C6: variants seen among roughly 807,000 people sequenced by gnomAD.
C6 encodes complement C6.
A neutral mutation model predicts 112.9 loss-of-function variants in C6; 101 were observed. The observed-to-expected ratio is 0.89, with a 90% CI of 0.76 to 1.06. C6 has a LOEUF of 1.06. C6 is among the 50% of genes least tolerant of loss of function. C6 has a pLI of 0.00. For synonymous variants in C6, 431 were observed against 384.1 expected, an observed-to-expected ratio of 1.12 and a Z score of -1.43; for missense variants, 1,202 against 1,104.6, an observed-to-expected ratio of 1.09 and a Z score of -1.25.
chr5:41,185,931 A>C lies in C6; in HGVS notation c.726+139T>G, dbSNP rs755848346. Reference sequence around the variant, plus strand: ...GGCCTCATTGTGTGTGCATGGATAAAATACAAACACATAACACGTGATTAA... The same window carrying C: ...GGCCTCATTGTGTGTGCATGGATAACATACAAACACATAACACGTGATTAA... On this transcript the variant is annotated intron_variant, in intron 6 of 17. Transcript: ENST00000337836. 3.6e-4 allele frequency: 380 copies of C among 1,066,138 alleles called. 1 individual carries two copies. Among genetic ancestry groups the C allele is most frequent in the Non-Finnish European group, 5.0e-4 (354 of 706,134 alleles). 66.0% of individuals were successfully genotyped at this position (1,066,138 alleles called of 1,614,324 possible).
At chr5:41,157,410 G>A (rs187081283) in intron 13 of C6, among the ~76,000 whole-genome samples, 53 of 152,292 alleles carry the variant, frequency 3.5e-4, no homozygotes, top group African/African-American at 1.3e-3. Context: ...TCTAGGGCAG[G>A]GGCCAGTAAG....
rs1745426660 is a variant in C6, at chr5:41,142,316, T to A, written c.*509A>T. The A allele has an allele frequency of 6.3e-6, 1 of 159,442 alleles. No individual in the cohort carries two copies. The highest frequency in any genetic ancestry group is 1.4e-5 in the Non-Finnish European group (1 of 71,578). 9.9% of individuals were successfully genotyped at this position (159,442 alleles called of 1,614,324 possible). A position where few individuals can be genotyped will look rare whatever the true frequency, so the allele number is the denominator to read the frequency against. ...TGCTTCATGAAGGCAAAGGCTTTTGTCTGTTTTATTATCTGCCGAGTTCTC... is the reference window on the plus strand; with the variant it reads ...TGCTTCATGAAGGCAAAGGCTTTTGACTGTTTTATTATCTGCCGAGTTCTC... On this transcript the variant is annotated 3_prime_UTR_variant, in exon 18 of 18. Coordinates refer to ENST00000337836, the MANE Select transcript of C6 (RefSeq NM_000065.5).
chr5:41,210,765 T>C (rs183312989), intron 1 of C6, among the ~76,000 whole-genome samples: 9,431 of 152,088 alleles, frequency 0.062, 391 homozygotes, highest in African/African-American at 0.12. Context: ...TGTGGAGAAA[T>C]AGGAACATTT....
intron 1 of C6, among the ~76,000 whole-genome samples, chr5:41,224,506 G>A (rs951323768): frequency 5.3e-5 from 8 of 151,630 alleles, no homozygotes; most frequent in Admixed American, 1.3e-4. Flanking sequence ...AATATAATAC[G>A]TCGTCTTTTG....
At chr5:41,196,381 T>C (rs1014377838) in intron 4 of C6, among the ~76,000 whole-genome samples, 1 of 151,886 alleles carries the variant, frequency 6.6e-6, no homozygotes, top group African/African-American at 2.4e-5. Flanking sequence ...AATTTTATGT[T>C]GGGTGAAAAA....
At chr5:41,218,773 C>T (rs557418842) in intron 1 of C6, among the ~76,000 whole-genome samples, 1 of 152,060 alleles carries the variant, frequency 6.6e-6, no homozygotes, top group Non-Finnish European at 1.5e-5. Flanking sequence ...CTTGCTTAAG[C>T]CGCATGCAGG....
chr5:41,210,850 C>G (rs1448452207), intron 1 of C6, among the ~76,000 whole-genome samples: 1 of 152,138 alleles, frequency 6.6e-6, no homozygotes, highest in Admixed American at 6.5e-5. Flanking sequence ...GGATCTAGAA[C>G]TAGAAATACC....
At chr5:41,199,161 C>G (rs1750824424) in intron 4 of C6, among the ~76,000 whole-genome samples, 2 of 152,096 alleles carry the variant, frequency 1.3e-5, no homozygotes. Context: ...TGGAAATTTG[C>G]TATCTAGTTA....
intron 5 of C6, 118 bp from the exon 6 acceptor site, chr5:41,186,326 A>G: frequency 2.7e-6 from 3 of 1,131,010 alleles, no homozygotes; most frequent in Non-Finnish European, 2.6e-6. Context: ...AAATGACTTG[A>G]AGGAATCCCC....
intron 1 of C6, among the ~76,000 whole-genome samples, chr5:41,228,329 A>T (rs564780431): frequency 1.3e-5 from 2 of 151,996 alleles, no homozygotes; most frequent in African/African-American, 4.8e-5. Context: ...CACTTTACCA[A>T]ATTTGTTTAT....
Position 41,176,522 on chromosome 5 carries a change from A to G in C6, c.1121T>C (p.Val374Ala), listed in dbSNP as rs769849491. The change falls in exon 8 of 18, where the codon GTG (valine) becomes GCG (alanine). Residue 374 changes from valine to alanine, a missense_variant. Coordinates refer to ENST00000337836, the MANE Select transcript of C6 (RefSeq NM_000065.5). ...GCTAAACTGATAGAGAAGGTCATAC[A>G]CGCCTCCCAGGGAGCCAGAGGTGAA... ...HYFTSGSLGG[V>A]YDLLYQFSSE... The G allele has an allele frequency of 1.2e-6, 2 of 1,613,818 alleles. No individual in the cohort carries two copies. Among genetic ancestry groups the G allele is most frequent in the East Asian group, 4.5e-5 (2 of 44,804 alleles).
chr5:41,208,252 C>A (rs1341691264), intron 1 of C6, among the ~76,000 whole-genome samples: 1 of 152,044 alleles, frequency 6.6e-6, no homozygotes, highest in Non-Finnish European at 1.5e-5. Context: ...GCACTAAATG[C>A]CCACAAGAGA....
chr5:41,228,393 G>T (rs891849938), intron 1 of C6, among the ~76,000 whole-genome samples: 1 of 152,196 alleles, frequency 6.6e-6, no homozygotes, highest in African/African-American at 2.4e-5. Flanking sequence ...ATATAAGATT[G>T]TGTTATCTGC....
upstream of C6, among the ~76,000 whole-genome samples, chr5:41,213,813 G>T (rs1178831077): frequency 6.6e-6 from 1 of 152,056 alleles, no homozygotes; most frequent in African/African-American, 2.4e-5. Flanking sequence ...ATAGTTATTG[G>T]TAACTATTTA....
chr5:41,154,191 C>T (rs1746680797), intron 14 of C6, among the ~76,000 whole-genome samples, 193 bp from the exon 15 acceptor site: 1 of 152,196 alleles, frequency 6.6e-6, no homozygotes, highest in South Asian at 2.1e-4. Context: ...TTGAAAAATT[C>T]CCTTTAGTTT....
intron 13 of C6, among the ~76,000 whole-genome samples, chr5:41,156,279 A>G (rs1746899282): frequency 1.3e-5 from 2 of 152,126 alleles, no homozygotes; most frequent in African/African-American, 4.8e-5. Flanking sequence ...CAGCTCAAAT[A>G]GAACATCCTT....
intron 7 of C6, among the ~76,000 whole-genome samples, chr5:41,180,463 T>A (rs1476933859): frequency 6.6e-6 from 1 of 152,040 alleles, no homozygotes; most frequent in Non-Finnish European, 1.5e-5. Flanking sequence ...ATCTAAGAGA[T>A]TTAAAATGAA....
At chr5:41,202,012 G>A (rs1261141146) in intron 2 of C6, among the ~76,000 whole-genome samples, 5 of 152,124 alleles carry the variant, frequency 3.3e-5, no homozygotes, top group Admixed American at 6.5e-5. Flanking sequence ...TGGGGCCTGT[G>A]TGGCTGCACA....
chr5:41,184,839 T>C (rs1024044725), intron 6 of C6, among the ~76,000 whole-genome samples: 3 of 152,164 alleles, frequency 2.0e-5, no homozygotes, highest in African/African-American at 7.2e-5. Flanking sequence ...GAGGTTGTTA[T>C]GGGAATCAAG....
Sources: gnomAD v4.1 joint callset for allele counts (sites outside exome capture counted in the v4.1 genomes callset) on GRCh38, gnomAD v4.1.1 for gene constraint, MANE v1.5 for transcripts, NCBI Gene and HGNC (gene_info 2026-07-23, HGNC 2026-07-21) for gene names.